The following EVC variants were observed in gnomAD, a reference collection of about 807,000 sequenced individuals.
EVC encodes the protein EvC ciliary complex subunit 1.
Under a neutral mutation model 118.9 loss-of-function variants are expected in EVC, and 116 were observed. That is an observed-to-expected ratio of 0.98 (90% CI 0.84 to 1.14). The LOEUF (loss-of-function observed/expected upper bound fraction) is 1.14. Among genes scored for constraint, EVC ranks in the 50% most tolerant of loss-of-function variants. The pLI is 0.00. For missense variants in EVC, 1,401 were observed against 1,246.4 expected (o/e 1.12, Z -1.87); for synonymous variants, 619 against 534.7 (o/e 1.16, Z -2.18).
chr4:5,801,716 G>A (rs1715014147), intron 15 of EVC: 1 of 428,124 alleles, frequency 2.3e-6, no homozygotes, highest in Non-Finnish European at 4.3e-6. Flanking sequence ...CCTCTTAGCC[G>A]ACTTTCCCTA....
chr4:5,799,118 C>G (rs1260069022), intron 15 of EVC, among the ~76,000 whole-genome samples: 1 of 152,106 alleles, frequency 6.6e-6, no homozygotes, highest in Non-Finnish European at 1.5e-5. Flanking sequence ...GTGGCAGAAC[C>G]GGGATCGGAA....
chr4:5,742,286 G>T lies in EVC; in HGVS notation c.801+472G>T, dbSNP rs1728718420. Among the ~76,000 whole-genome samples, 1 of 152,146 alleles carries T rather than the reference G, an allele frequency of 6.6e-6. No homozygotes were observed. The highest frequency in any genetic ancestry group is 1.5e-5 in the Non-Finnish European group (1 of 68,032). ...AGAATCGTAGTTTCCTTTTTGTATA[G>T]TGAGATAATTCCTGTTCTGCGAGAG... On this transcript the variant is annotated intron_variant, in intron 6 of 20. Coordinates refer to ENST00000264956, the MANE Select transcript of EVC (RefSeq NM_153717.3). The surrounding 1 kb of genome is among the most constrained non-coding windows in gnomAD (Gnocchi z 5.2).
chr4:5,719,433 T>C lies in EVC; in HGVS notation c.300+60T>C. 1 of 1,612,178 alleles carries C rather than the reference T, an allele frequency of 6.2e-7. No individual in the cohort carries two copies. The highest frequency in any genetic ancestry group is 8.5e-7 in the Non-Finnish European group (1 of 1,179,364). ...CATGTGGGAGGTGGGGTATTCCCCC[T>C]GGAAGCCGGGTGTCATGTAGACAAG... On this transcript the variant is annotated intron_variant, in intron 2 of 20. Coordinates refer to ENST00000264956, the MANE Select transcript of EVC (RefSeq NM_153717.3). This position sits in a 1 kb window ranked among gnomAD's most constrained non-coding sequence, Gnocchi z 4.7.
intron 1 of EVC, among the ~76,000 whole-genome samples, chr4:5,717,182 G>A (rs189554395): frequency 1.7e-4 from 26 of 152,140 alleles, no homozygotes; most frequent in African/African-American, 6.3e-4. Flanking sequence ...TATCTTTGGA[G>A]AGATGTTTCT....
At chr4:5,747,142 G>A (rs576487394) in intron 7 of EVC, among the ~76,000 whole-genome samples, 11 of 152,180 alleles carry the variant, frequency 7.2e-5, no homozygotes, top group African/African-American at 1.9e-4. Context: ...ATGGGGAGCC[G>A]CATTGATGAG....
rs1333548188 is a variant in EVC at position 5,755,458 on chromosome 4, C to T, written c.1465-806C>T. Among the ~76,000 whole-genome samples the T allele has an allele frequency of 1.3e-5, 2 of 152,104 alleles. No individual in the cohort carries two copies. The highest frequency in any genetic ancestry group is 1.5e-5 in the Non-Finnish European group (1 of 68,008). ...AGGATGGAATGGGTGGGAGAATGAA[C>T]GAACGACACCAGGCTCCCAGTACAC... On this transcript the variant is annotated intron_variant, in intron 10 of 20. Transcript: ENST00000264956. This position sits in a 1 kb window ranked among gnomAD's most constrained non-coding sequence, Gnocchi z 4.1.
chr4:5,720,706 C>CG (rs997459799), intron 2 of EVC, among the ~76,000 whole-genome samples: 1 of 152,096 alleles, frequency 6.6e-6, no homozygotes, highest in Admixed American at 6.5e-5. Context: ...CCAACGTGGA[C>CG]GGGGGGAGAG....
the EVC span, among the ~76,000 whole-genome samples, chr4:5,822,230 G>T: frequency 1.3e-5 from 2 of 152,224 alleles, no homozygotes; most frequent in Admixed American, 6.5e-5. Flanking sequence ...GGGGGTGTTT[G>T]TACTCCCAAC....
chr4:5,814,481 C>T (rs888471756), downstream of EVC, among the ~76,000 whole-genome samples: 2 of 152,142 alleles, frequency 1.3e-5, no homozygotes, highest in Non-Finnish European at 2.9e-5. Context: ...GCCACAGAAG[C>T]CTCTCCTGCC....
At chr4:5,729,110 A>C (rs370670868) in intron 2 of EVC, among the ~76,000 whole-genome samples, 197 bp from the exon 3 acceptor site, 1 of 151,788 alleles carries the variant, frequency 6.6e-6, no homozygotes, top group Non-Finnish European at 1.5e-5. Context: ...CCATCCATCT[A>C]TCCATCCATC....
At chr4:5,721,186 A>G (rs1363782354) in intron 2 of EVC, among the ~76,000 whole-genome samples, 1 of 152,198 alleles carries the variant, frequency 6.6e-6, no homozygotes, top group Non-Finnish European at 1.5e-5. Context: ...GACAGATGTG[A>G]AAACATGTCC....
At chr4:5,819,712 G>A in the EVC span, among the ~76,000 whole-genome samples, 1 of 152,138 alleles carries the variant, frequency 6.6e-6, no homozygotes, top group Non-Finnish European at 1.5e-5. Flanking sequence ...TTACTTTTCT[G>A]GAAGTTTCCC....
At chr4:5,733,003 C>G (rs926975379) in intron 4 of EVC, among the ~76,000 whole-genome samples, 1 of 152,172 alleles carries the variant, frequency 6.6e-6, no homozygotes. Flanking sequence ...GAGCAAAACC[C>G]TATTTCTAAA....
At chr4:5,805,372 T>G (rs951948866) in intron 17 of EVC, among the ~76,000 whole-genome samples, 10 of 152,190 alleles carry the variant, frequency 6.6e-5, no homozygotes, top group Non-Finnish European at 1.5e-5. Flanking sequence ...CTGGCTTCTC[T>G]GTGCCTCACA....
At chr4:5,790,072 T>A (rs1327385623) in intron 12 of EVC, among the ~76,000 whole-genome samples, 1 of 151,114 alleles carries the variant, frequency 6.6e-6, no homozygotes, top group Non-Finnish European at 1.5e-5. Flanking sequence ...TCCCAGCTAC[T>A]TGGGAGACTG....
At chr4:5,713,465 G>A (rs1346819844) in intron 1 of EVC, among the ~76,000 whole-genome samples, 1 of 152,088 alleles carries the variant, frequency 6.6e-6, no homozygotes, top group African/African-American at 2.4e-5. Context: ...TTCAACTGAG[G>A]TCAGGAGTTC....
chr4:5,771,083 G>T (rs1432467044), intron 11 of EVC, among the ~76,000 whole-genome samples: 6 of 152,004 alleles, frequency 3.9e-5, no homozygotes, highest in African/African-American at 1.5e-4. Context: ...GTCATATTAG[G>T]TATTAGTTTT....
intron 11 of EVC, among the ~76,000 whole-genome samples, chr4:5,761,069 G>A (rs983679559): frequency 1.2e-4 from 19 of 152,158 alleles, no homozygotes; most frequent in Admixed American, 1.0e-3. Flanking sequence ...TGGAGAGCTG[G>A]CTGCGCCCTC....
chr4:5,767,190 A>T (rs1224266506), intron 11 of EVC, among the ~76,000 whole-genome samples: 1 of 151,916 alleles, frequency 6.6e-6, no homozygotes, highest in Non-Finnish European at 1.5e-5. Flanking sequence ...TGGGCTGGGG[A>T]TGCCTCCCAG....
Sources: allele counts gnomAD v4.1 joint callset (sites outside exome capture counted in the v4.1 genomes callset), GRCh38; gene constraint gnomAD v4.1.1; non-coding constraint Gnocchi (gnomAD v3.1); transcripts MANE v1.5; gene names NCBI Gene and HGNC (gene_info 2026-07-23, HGNC 2026-07-21).